Variants in PAK1 observed in about 807,000 individuals in gnomAD.
PAK1 encodes p21 (RAC1) activated kinase 1.
Under a neutral mutation model 67.4 loss-of-function variants are expected in PAK1, and 29 were observed. The observed-to-expected ratio is 0.43, with a 90% CI of 0.32 to 0.59. The LOEUF (loss-of-function observed/expected upper bound fraction) is 0.59, where lower values mean the gene tolerates loss of function less well. Ranked by LOEUF, PAK1 falls within the 20% of genes least tolerant of loss-of-function variation. The pLI, the probability that PAK1 is intolerant of heterozygous loss-of-function variation, is 0.07. For missense variants in PAK1, 337 were observed against 670.7 expected (o/e 0.50, Z 5.50); for synonymous variants, 223 against 237.4 (o/e 0.94, Z 0.56).
At chr11:77,493,495 G>T in the PAK1 span, among the ~76,000 whole-genome samples, 1 of 110,844 alleles carries the variant, frequency 9.0e-6, no homozygotes, top group Non-Finnish European at 1.7e-5. Context: ...GTTTCGCCAT[G>T]TTGGCCAGGC....
chr11:77,332,903 A>G, intron 13 of PAK1, 36 bp from the exon 14 acceptor site: 1 of 1,605,476 alleles, frequency 6.2e-7, no homozygotes, highest in South Asian at 1.1e-5. Context: ...TTGAGCTCCA[A>G]ATGAGGCTCT....
intron 14 of PAK1, among the ~76,000 whole-genome samples, chr11:77,330,881 A>G (rs1350903945): frequency 6.6e-6 from 1 of 152,144 alleles, no homozygotes; most frequent in Non-Finnish European, 1.5e-5. Context: ...TTTGCAACCT[A>G]CTCATCTGAC....
chr11:77,436,425 A>G (rs2602477), intron 1 of PAK1, among the ~76,000 whole-genome samples: 39,643 of 152,142 alleles, frequency 0.26, 5,885 homozygotes, highest in South Asian at 0.45. Flanking sequence ...GATAGAAAAA[A>G]TCAGATCTAG....
At chr11:77,393,373 C>CA (rs1951412772) in intron 1 of PAK1, among the ~76,000 whole-genome samples, 1 of 151,950 alleles carries the variant, frequency 6.6e-6, no homozygotes, top group African/African-American at 2.4e-5. Context: ...TAGCTCACTG[C>CA]AGCCTCAAAC....
At chr11:77,493,212 C>T in the PAK1 span, among the ~76,000 whole-genome samples, 2 of 151,782 alleles carry the variant, frequency 1.3e-5, no homozygotes, top group Admixed American at 6.6e-5. Context: ...GATCCTCCCA[C>T]CTCGGCCTCC....
At chr11:77,423,622 T>C (rs1955400610) in intron 1 of PAK1, among the ~76,000 whole-genome samples, 1 of 152,136 alleles carries the variant, frequency 6.6e-6, no homozygotes, top group Non-Finnish European at 1.5e-5. Context: ...CACTGTCTCA[T>C]TAAGGAAACA....
At chr11:77,514,020 C>T in the PAK1 span, among the ~76,000 whole-genome samples, 226 of 152,268 alleles carry the variant, frequency 1.5e-3, 1 homozygote, top group African/African-American at 5.2e-3. Flanking sequence ...TGATAAGAGT[C>T]ATTATATAAC....
chr11:77,487,343 T>A, the PAK1 span, among the ~76,000 whole-genome samples: 1 of 152,046 alleles, frequency 6.6e-6, no homozygotes, highest in Non-Finnish European at 1.5e-5. Context: ...GGTGAGAGAT[T>A]CAGAGATGTG....
the PAK1 span, among the ~76,000 whole-genome samples, chr11:77,511,646 G>C: frequency 0.34 from 52,044 of 152,034 alleles, 9,090 homozygotes; most frequent in Admixed American, 0.38. Flanking sequence ...TTTAAAAACT[G>C]GGTCAGTCAC....
intron 1 of PAK1, among the ~76,000 whole-genome samples, chr11:77,404,271 CTT>C (rs879910147): frequency 6.8e-6 from 1 of 146,172 alleles, no homozygotes; most frequent in African/African-American, 2.5e-5. Flanking sequence ...CTTTTTCTTT[CTT>C]TTTTTTTTTT....
At chr11:77,525,342 GA>G in the PAK1 span, among the ~76,000 whole-genome samples, 1 of 151,830 alleles carries the variant, frequency 6.6e-6, no homozygotes, top group South Asian at 2.1e-4. Flanking sequence ...AAAAAAAAAG[GA>G]AAAAAAGTGT....
upstream of PAK1, among the ~76,000 whole-genome samples, chr11:77,477,274 C>G (rs1958069687): frequency 6.6e-6 from 1 of 152,178 alleles, no homozygotes; most frequent in African/African-American, 2.4e-5. Context: ...ATAACAAAAC[C>G]AATTTTACCA....
intron 5 of PAK1, among the ~76,000 whole-genome samples, chr11:77,370,918 C>T (rs1409388314): frequency 6.6e-6 from 1 of 152,208 alleles, no homozygotes; most frequent in East Asian, 1.9e-4. Context: ...GCCTAACATA[C>T]TGGATCCTTA....
chr11:77,521,317 G>T, the PAK1 span, among the ~76,000 whole-genome samples: 1 of 152,140 alleles, frequency 6.6e-6, no homozygotes, highest in Admixed American at 6.5e-5. Context: ...ATCCCCTGAG[G>T]TTGGGAGTTC....
intron 4 of PAK1, among the ~76,000 whole-genome samples, chr11:77,375,492 A>G (rs1948977714): frequency 6.6e-6 from 1 of 152,228 alleles, no homozygotes; most frequent in African/African-American, 2.4e-5. Flanking sequence ...AGCTCCCTCA[A>G]TGAAGCAATT....
chr11:77,375,158 G>A (rs1948929721), intron 4 of PAK1, among the ~76,000 whole-genome samples: 1 of 152,204 alleles, frequency 6.6e-6, no homozygotes, highest in South Asian at 2.1e-4. Context: ...GTACACACAG[G>A]TTAAAGAGAG....
chr11:77,347,646 A>G (rs1418375373), intron 9 of PAK1, among the ~76,000 whole-genome samples: 1 of 152,180 alleles, frequency 6.6e-6, no homozygotes, highest in Non-Finnish European at 1.5e-5. Context: ...ATATGTACAC[A>G]AAGGAAATTA....
At chr11:77,406,121 G>A (rs895561072) in intron 1 of PAK1, among the ~76,000 whole-genome samples, 3 of 152,072 alleles carry the variant, frequency 2.0e-5, no homozygotes, top group Admixed American at 6.6e-5. Flanking sequence ...TCCTTGCTCG[G>A]AACCTTCCTT....
At chr11:77,435,277 A>G (rs1956069553) in intron 1 of PAK1, among the ~76,000 whole-genome samples, 1 of 152,188 alleles carries the variant, frequency 6.6e-6, no homozygotes, top group African/African-American at 2.4e-5. Context: ...TAGAATGGCA[A>G]GAATACCCAC....
Sources: gnomAD v4.1 joint callset for allele counts (sites outside exome capture counted in the v4.1 genomes callset) on GRCh38, gnomAD v4.1.1 for gene constraint, MANE v1.5 for transcripts, NCBI Gene and HGNC (gene_info 2026-07-23, HGNC 2026-07-21) for gene names.